BCAS3: variants seen among roughly 807,000 people sequenced by gnomAD.
BCAS3 encodes the protein BCAS4/BCAS3 fusion.
In BCAS3, 53 loss-of-function variants were observed where a neutral mutation model predicts 116.1. The ratio of observed to expected loss-of-function variants is 0.46; its 90% CI spans 0.37 to 0.57. BCAS3 has a LOEUF of 0.57. Among genes scored for constraint, BCAS3 ranks in the 20% least tolerant of loss-of-function variants. The pLI is 0.00. For synonymous variants in BCAS3, 391 were observed against 408.2 expected (o/e 0.96, Z 0.51); for missense variants, 917 against 1,165.4 (o/e 0.79, Z 3.10).
At chr17:60,991,825 G>GTTAAAT (rs57627057) in intron 15 of BCAS3, among the ~76,000 whole-genome samples, 23,137 of 151,660 alleles carry the variant, frequency 0.15, 5,583 homozygotes, top group African/African-American at 0.52. Flanking sequence ...TTTGTAGACT[G>GTTAAAT]TTACTTGTCC....
chr17:61,228,096 C>T lies in BCAS3; in HGVS notation c.2426-140231C>T, dbSNP rs1303470759. On this transcript the variant is annotated intron_variant, in intron 22 of 23. Transcript: ENST00000407086. This position sits in a 1 kb window ranked among gnomAD's most constrained non-coding sequence, Gnocchi z 5.0. ...ACATTCCTGCATACTCCTGCTTCACCCTCAAGGCCCAGTAGAAACCAGCAG... is the reference window on the plus strand; with the variant it reads ...ACATTCCTGCATACTCCTGCTTCACTCTCAAGGCCCAGTAGAAACCAGCAG... 6.6e-6 allele frequency among the ~76,000 whole-genome samples: 1 copy of T among 152,192 alleles called. No homozygotes were observed. Among genetic ancestry groups the T allele is most frequent in the East Asian group, 1.9e-4 (1 of 5,196 alleles).
At chr17:60,825,230 A>G (rs1340846884) in intron 7 of BCAS3, among the ~76,000 whole-genome samples, 2 of 151,732 alleles carry the variant, frequency 1.3e-5, no homozygotes, top group Non-Finnish European at 2.9e-5. Flanking sequence ...TTCTCTTTTA[A>G]TGTATTATAG....
Position 61,362,815 on chromosome 17 carries a change from G to A in BCAS3, c.2426-5512G>A, listed in dbSNP as rs2058521334. On this transcript the variant is annotated intron_variant, in intron 22 of 23. Coordinates refer to ENST00000407086, the MANE Select transcript of BCAS3 (RefSeq NM_017679.5). This position sits in a 1 kb window ranked among gnomAD's most constrained non-coding sequence, Gnocchi z 4.4. The stretch of plus-strand genomic sequence containing the variant: ...TCCAGGATCTCCAAATCTAAAATAA[G>A]TGCACAGAAGGCAGTAGAGTAAAAT... The A allele has an allele frequency of 6.6e-6, 1 of 152,196 alleles. No individual in the cohort carries two copies. Among genetic ancestry groups the A allele is most frequent in the Admixed American group, 6.5e-5 (1 of 15,270 alleles). The allele number at this position is 152,196 out of a possible 1,614,324, so 9.4% of individuals were successfully genotyped here.
chr17:61,299,442 C>CAAAAAA (rs538072648), intron 22 of BCAS3, among the ~76,000 whole-genome samples: 41 of 57,082 alleles, frequency 7.2e-4, no homozygotes, highest in Non-Finnish European at 1.1e-3. Context: ...GACTCCATCT[C>CAAAAAA]AAAAAAAAAA....
rs1031227950 is a variant in BCAS3, at chr17:61,162,121, G to T, written c.2425+77557G>T. 6.6e-6 allele frequency among the ~76,000 whole-genome samples: 1 copy of T among 152,156 alleles called. No homozygotes were observed. Among genetic ancestry groups the T allele is most frequent in the African/African-American group, 2.4e-5 (1 of 41,442 alleles). ...TTTTACTACCCCAAATGAAATGTAC[G>T]TATCCTGGTCCTGCACCATGTTTTT... On this transcript the variant is annotated intron_variant, in intron 22 of 23. Transcript: ENST00000407086. This position sits in a 1 kb window ranked among gnomAD's most constrained non-coding sequence, Gnocchi z 5.6.
chr17:61,038,126 A>G lies in BCAS3; in HGVS notation c.1928+72A>G, dbSNP rs2067188549. 10 of 1,420,730 alleles carry G rather than the reference A, an allele frequency of 7.0e-6. No individual in the cohort carries two copies. The South Asian group carries it at 1.2e-4, about 17-fold the overall frequency. 88.0% of individuals were successfully genotyped at this position (1,420,730 alleles called of 1,614,324 possible). ...TAGAAGATTAAAAGCGTATAATTTG[A>G]TAAGTTTTGACATGCATACAGCTAC... On this transcript the variant is annotated intron_variant, in intron 18 of 23. Coordinates refer to ENST00000407086, the MANE Select transcript of BCAS3 (RefSeq NM_017679.5).
chr17:61,284,348 G>T (rs947531798), intron 22 of BCAS3, among the ~76,000 whole-genome samples: 2 of 152,162 alleles, frequency 1.3e-5, no homozygotes, highest in Non-Finnish European at 2.9e-5. Context: ...AGCTTTATGA[G>T]CTGTAACACT....
intron 10 of BCAS3, among the ~76,000 whole-genome samples, chr17:60,901,779 A>G (rs1379620620): frequency 1.3e-5 from 2 of 152,234 alleles, no homozygotes; most frequent in Non-Finnish European, 2.9e-5. Flanking sequence ...TTTGTGAGAT[A>G]TAGATTCTTC....
At chr17:60,901,628 T>C (rs920979327) in intron 10 of BCAS3, among the ~76,000 whole-genome samples, 6 of 152,228 alleles carry the variant, frequency 3.9e-5, no homozygotes, top group African/African-American at 1.2e-4. Flanking sequence ...TATTATAATA[T>C]ATTACTATTG....
In BCAS3 at chr17:61,286,304, C is replaced by T. The variant is rs1445723977; in HGVS notation, c.2426-82023C>T. ...CTTGCTTCTGAGTTCTCTGAATCTG[C>T]ATTTGAAAGTTATCGTGAGCAGATG... On this transcript the variant is annotated intron_variant, in intron 22 of 23. Transcript: ENST00000407086. The surrounding 1 kb of genome is among the most constrained non-coding windows in gnomAD (Gnocchi z 4.8). 6.6e-6 allele frequency among the ~76,000 whole-genome samples: 1 copy of T among 152,166 alleles called. No homozygotes were observed. Among genetic ancestry groups the T allele is most frequent in the African/African-American group, 2.4e-5 (1 of 41,424 alleles).
intron 5 of BCAS3, chr17:60,727,414 C>G: frequency 2.5e-6 from 4 of 1,605,418 alleles, no homozygotes; most frequent in Admixed American, 1.7e-5. Context: ...TATACTGTGT[C>G]ACTTTGTGAG....
At chr17:61,292,150 A>T (rs1243223352) in intron 22 of BCAS3, among the ~76,000 whole-genome samples, 2 of 152,008 alleles carry the variant, frequency 1.3e-5, no homozygotes, top group African/African-American at 4.8e-5. Flanking sequence ...CATTTAGGAG[A>T]AATGCAGAAC....
At chr17:61,064,212 C>T (rs927471103) in intron 19 of BCAS3, among the ~76,000 whole-genome samples, 1 of 152,088 alleles carries the variant, frequency 6.6e-6, no homozygotes, top group African/African-American at 2.4e-5. Context: ...AGGAGGATCA[C>T]TTGAGGCCCA....
At chr17:60,919,400 A>G (rs2058952544) in intron 12 of BCAS3, among the ~76,000 whole-genome samples, 1 of 151,972 alleles carries the variant, frequency 6.6e-6, no homozygotes, top group Non-Finnish European at 1.5e-5. Flanking sequence ...ATCTCAGTTC[A>G]CTGCAACCTC....
At chr17:60,765,647 G>C (rs2044015551) in intron 6 of BCAS3, among the ~76,000 whole-genome samples, 1 of 152,014 alleles carries the variant, frequency 6.6e-6, no homozygotes, top group Non-Finnish European at 1.5e-5. Flanking sequence ...TTCATCCTTG[G>C]TGAATCTGAC....
intron 7 of BCAS3, among the ~76,000 whole-genome samples, chr17:60,837,173 T>G (rs779767355): frequency 2.0e-5 from 3 of 152,170 alleles, no homozygotes; most frequent in Non-Finnish European, 4.4e-5. Context: ...AACTGTAGAT[T>G]TGTATGTCAA....
At chr17:60,901,366 A>G (rs1459565959) in intron 10 of BCAS3, among the ~76,000 whole-genome samples, 1 of 152,190 alleles carries the variant, frequency 6.6e-6, no homozygotes, top group Non-Finnish European at 1.5e-5. Context: ...AATAATTTTC[A>G]TAATTATTTG....
intron 22 of BCAS3, among the ~76,000 whole-genome samples, chr17:61,092,472 C>T (rs1018208549): frequency 3.3e-5 from 5 of 152,172 alleles, no homozygotes; most frequent in African/African-American, 1.2e-4. Flanking sequence ...AATGACTGTA[C>T]CATTTTGCAT....
intron 14 of BCAS3, among the ~76,000 whole-genome samples, chr17:60,968,571 T>G (rs903986234): frequency 6.6e-6 from 1 of 152,130 alleles, no homozygotes; most frequent in Non-Finnish European, 1.5e-5. Context: ...GTTGCCTTTT[T>G]TTTTTGGATA....
Sources: gnomAD v4.1 joint callset for allele counts (sites outside exome capture counted in the v4.1 genomes callset) on GRCh38, gnomAD v4.1.1 for gene constraint, Gnocchi (gnomAD v3.1) non-coding constraint, MANE v1.5 for transcripts, NCBI Gene and HGNC (gene_info 2026-07-23, HGNC 2026-07-21) for gene names.